The following AMMECR1 variants were observed in gnomAD, a reference collection of about 807,000 sequenced individuals.
The protein encoded by AMMECR1 is nuclear protein AMMECR1.
AMMECR1 carries 3 observed loss-of-function variants against 22.5 expected under a neutral mutation model. That is an observed-to-expected ratio of 0.13 (90% CI 0.06 to 0.35). The LOEUF is 0.35. AMMECR1 is among the 10% of genes least tolerant of loss of function. AMMECR1 has a pLI of 1.00. For synonymous variants in AMMECR1, 130 were observed against 116.7 expected, an observed-to-expected ratio of 1.11 and a Z score of -0.74; for missense variants, 235 against 278.7, an observed-to-expected ratio of 0.84 and a Z score of 1.12.
At chrX:110,243,191 T>G (rs991746169) in intron 2 of AMMECR1, among the ~76,000 whole-genome samples, 2 of 112,360 alleles carry the variant, frequency 1.8e-5, no homozygotes, top group African/African-American at 3.2e-5. Flanking sequence ...TGTAAATTAC[T>G]ACAATGAGAA....
At chrX:110,393,869 C>A (rs1036590419) in intron 2 of AMMECR1, among the ~76,000 whole-genome samples, 3 of 112,078 alleles carry the variant, frequency 2.7e-5, no homozygotes, top group African/African-American at 6.5e-5. Context: ...CTGGAATCAG[C>A]GGGTTAGAAA....
At chrX:110,240,971 T>C (rs1045140944) in intron 2 of AMMECR1, among the ~76,000 whole-genome samples, 1 of 111,883 alleles carries the variant, frequency 8.9e-6, no homozygotes, top group Non-Finnish European at 1.9e-5. Flanking sequence ...TGCTCCTGAA[T>C]GACTACTGGG....
chrX:110,314,780 T>TAGGTAA (rs1215486540), intron 1 of AMMECR1, among the ~76,000 whole-genome samples: 1 of 112,009 alleles, frequency 8.9e-6, no homozygotes. Context: ...TGCAATTGGG[T>TAGGTAA]AGGTAATCAA....
chrX:110,302,236 T>C (rs1220696147), intron 1 of AMMECR1, among the ~76,000 whole-genome samples: 2 of 111,622 alleles, frequency 1.8e-5, no homozygotes, highest in African/African-American at 6.5e-5. Context: ...AAAATCACCC[T>C]GGAAAAAATT....
chrX:110,420,563 G>C (rs1332474927), intron 2 of AMMECR1, among the ~76,000 whole-genome samples: 1 of 112,033 alleles, frequency 8.9e-6, no homozygotes, highest in Non-Finnish European at 1.9e-5. Context: ...TTTGTCATCG[G>C]TCTAAAAAGT....
intron 2 of AMMECR1, among the ~76,000 whole-genome samples, chrX:110,225,590 A>AT (rs949914682): frequency 8.9e-5 from 10 of 112,147 alleles, no homozygotes; most frequent in Non-Finnish European, 1.7e-4. Context: ...CAAACTTGGG[A>AT]TTTTTTTGTG....
At chrX:110,279,917 A>G (rs2067844218) in intron 1 of AMMECR1, among the ~76,000 whole-genome samples, 1 of 112,033 alleles carries the variant, frequency 8.9e-6, no homozygotes, top group African/African-American at 3.2e-5. Flanking sequence ...CTTCATTTTA[A>G]AATTAAAATT....
At chrX:110,307,041 C>A (rs2067999410) in intron 1 of AMMECR1, 1 of 110,078 alleles carries the variant, frequency 9.1e-6, no homozygotes, top group Admixed American at 9.6e-5. Flanking sequence ...TGTTCAAGAC[C>A]AGCCTGGCAA....
chrX:110,337,072 G>A (rs1189629836), intron 2 of AMMECR1, among the ~76,000 whole-genome samples: 1 of 110,936 alleles, frequency 9.0e-6, no homozygotes, highest in African/African-American at 3.3e-5. Context: ...TAAGTGAAAA[G>A]CCTCTAGAGT....
chrX:110,214,372 A>C (rs1287421766), intron 3 of AMMECR1, among the ~76,000 whole-genome samples: 1 of 112,061 alleles, frequency 8.9e-6, no homozygotes, highest in East Asian at 2.8e-4. Context: ...AGTAGGAACA[A>C]TATAGAATCT....
Position 110,357,009 on chromosome X carries a change from C to T in AMMECR1, c.-147-39160G>A, listed in dbSNP as rs1035100354. Reference sequence around the variant, plus strand: ...CTATTTTTAAGCATTTTGAGAATTACTTTTCAAAATTCTTCATTTCTTTCT... The same window carrying T: ...CTATTTTTAAGCATTTTGAGAATTATTTTTCAAAATTCTTCATTTCTTTCT... On this transcript the variant is annotated intron_variant, in intron 2 of 7. Transcript: ENST00000372057. Among the ~76,000 whole-genome samples the T allele has an allele frequency of 9.8e-5, 11 of 111,856 alleles. No individual in the cohort carries two copies. The East Asian group carries it at 3.1e-3, about 31-fold the overall frequency.
At chrX:110,261,928 C>G (rs779349321) in intron 2 of AMMECR1, among the ~76,000 whole-genome samples, 11 of 110,886 alleles carry the variant, frequency 9.9e-5, no homozygotes, top group Non-Finnish European at 2.1e-4. Flanking sequence ...TTTAAATTAC[C>G]TAATTCTCAG....
At chrX:110,206,265 G>A (rs1003550788) in intron 3 of AMMECR1, among the ~76,000 whole-genome samples, 7 of 111,960 alleles carry the variant, frequency 6.3e-5, no homozygotes, top group African/African-American at 2.3e-4. Context: ...TATAAATAAT[G>A]GCTAAAATTA....
chrX:110,276,917 G>C (rs1011117344), intron 1 of AMMECR1, among the ~76,000 whole-genome samples: 8 of 110,986 alleles, frequency 7.2e-5, no homozygotes, highest in Non-Finnish European at 1.5e-4. Flanking sequence ...CAAGATTGCA[G>C]TTCTGCTTGG....
intron 1 of AMMECR1, among the ~76,000 whole-genome samples, chrX:110,314,579 A>T (rs1306619734): frequency 8.9e-6 from 1 of 111,971 alleles, no homozygotes; most frequent in Non-Finnish European, 1.9e-5. Context: ...ACTGCTCTGG[A>T]GTCTAACTAG....
chrX:110,311,991 A>C (rs1004311660), intron 1 of AMMECR1, among the ~76,000 whole-genome samples: 1 of 112,295 alleles, frequency 8.9e-6, no homozygotes, highest in African/African-American at 3.2e-5. Context: ...GAACAGTATC[A>C]AAAAGAGACA....
intron 5 of AMMECR1, among the ~76,000 whole-genome samples, chrX:110,200,520 T>C (rs2067391821): frequency 8.9e-6 from 1 of 112,177 alleles, no homozygotes; most frequent in Non-Finnish European, 1.9e-5. Flanking sequence ...TGAGTTTAGC[T>C]CAATTGTGTT....
intron 1 of AMMECR1, among the ~76,000 whole-genome samples, chrX:110,310,003 A>G (rs1022544107): frequency 1.8e-5 from 2 of 112,536 alleles, no homozygotes; most frequent in Admixed American, 9.4e-5. Flanking sequence ...TACATTAAAG[A>G]AACCCAAAAT....
intron 2 of AMMECR1, among the ~76,000 whole-genome samples, chrX:110,345,505 T>A (rs867254011): frequency 9.7e-6 from 1 of 103,511 alleles, no homozygotes; most frequent in East Asian, 2.9e-4. Flanking sequence ...AAAAAAAATA[T>A]ATATATATAT....
Sources: allele counts gnomAD v4.1 joint callset (sites outside exome capture counted in the v4.1 genomes callset), GRCh38; gene constraint gnomAD v4.1.1; transcripts MANE v1.5; gene names NCBI Gene and HGNC (gene_info 2026-07-23, HGNC 2026-07-21).